The following GRK1 variants were observed in gnomAD, a reference collection of about 807,000 sequenced individuals.
GRK1 encodes G protein-coupled receptor kinase 1.
A neutral mutation model predicts 41.7 loss-of-function variants in GRK1; 28 were observed. The ratio of observed to expected loss-of-function variants is 0.67; its 90% CI spans 0.50 to 0.92. The LOEUF is 0.92. GRK1 is among the 40% of genes least tolerant of loss of function. The pLI, the probability that GRK1 is intolerant of heterozygous loss-of-function variation, is 0.00. For synonymous variants in GRK1, 327 were observed against 286.7 expected (o/e 1.14, Z -1.42); for missense variants, 703 against 671.2 (o/e 1.05, Z -0.52).
upstream of GRK1, among the ~76,000 whole-genome samples, chr13:113,664,698 C>T (rs2049807009): frequency 6.6e-6 from 1 of 152,232 alleles, no homozygotes; most frequent in Non-Finnish European, 1.5e-5. The surrounding 1 kb of genome is among the most constrained non-coding windows in gnomAD (Gnocchi z 5.4). Flanking sequence ...GAGCTTGTTA[C>T]AGGTGCAGTC....
rs2049933409 is a variant in GRK1 at position 113,731,106 on chromosome 13, G to C, written c.1070-113G>C. ...GATTTTCTGGCCCCAAATGTGGAGA[G>C]TGCTGAGGCCCCGGGGGGGATGCAT... On this transcript the variant is annotated intron_variant, in intron 4 of 6. Coordinates refer to ENST00000335678, the MANE Select transcript of GRK1 (RefSeq NM_002929.3). The surrounding 1 kb of genome is among the most constrained non-coding windows in gnomAD (Gnocchi z 5.6). 6 of 1,428,000 alleles carry C rather than the reference G, an allele frequency of 4.2e-6. No individual in the cohort carries two copies. Among genetic ancestry groups the C allele is most frequent in the Non-Finnish European group, 5.6e-6 (6 of 1,074,434 alleles). 88.5% of individuals were successfully genotyped at this position (1,428,000 alleles called of 1,614,324 possible).
chr13:113,666,505 G>A (rs2140714348), upstream of GRK1, among the ~76,000 whole-genome samples: 1 of 151,722 alleles, frequency 6.6e-6, no homozygotes, highest in Non-Finnish European at 1.5e-5. Flanking sequence ...TGTGCCCCAG[G>A]TGTACCCCAG....
At chr13:113,666,888 T>A (rs79220224), upstream of GRK1, among the ~76,000 whole-genome samples, 5,180 of 152,300 alleles carry the variant, frequency 0.034, 296 homozygotes, top group African/African-American at 0.12. Flanking sequence ...TTCTTCCGGC[T>A]CCATCCTCTC....
At chr13:113,727,307 C>G (rs1035285063) in intron 4 of GRK1, among the ~76,000 whole-genome samples, 5 of 152,248 alleles carry the variant, frequency 3.3e-5, no homozygotes, top group African/African-American at 1.2e-4. Flanking sequence ...GGGCGGAGCA[C>G]TCAGGGAGGC....
In GRK1 at chr13:113,733,149, C is replaced by T. The variant is rs867724439; in HGVS notation, c.1396+64C>T. On this transcript the variant is annotated intron_variant, in intron 6 of 6. Transcript: ENST00000335678. ...CTGTGCTGTGTGGCCCTTGGGTGTC[C>T]GCCCGGTCCAGCCTGTGAGAGTCGG... 780 of 1,462,634 alleles carry T rather than the reference C, an allele frequency of 5.3e-4. 1 individual carries two copies. The highest frequency in any genetic ancestry group is 9.9e-4 in the South Asian group (74 of 75,050). 90.6% of individuals were successfully genotyped at this position (1,462,634 alleles called of 1,614,324 possible). A position where few individuals can be genotyped will look rare whatever the true frequency, so the allele number is the denominator to read the frequency against.
chr13:113,657,566 G>T, the GRK1 span, among the ~76,000 whole-genome samples: 5 of 152,222 alleles, frequency 3.3e-5, no homozygotes, highest in African/African-American at 1.2e-4. Context: ...AGGCAGGCCT[G>T]GTTTACTCCC....
the GRK1 span, among the ~76,000 whole-genome samples, chr13:113,648,365 C>T: frequency 6.6e-6 from 1 of 152,224 alleles, no homozygotes; most frequent in Non-Finnish European, 1.5e-5. Flanking sequence ...ACGCGCCAGT[C>T]GCTTGTGCTT....
upstream of GRK1, among the ~76,000 whole-genome samples, chr13:113,665,354 G>GTA (rs1455830749): frequency 4.1e-4 from 62 of 149,586 alleles, no homozygotes; most frequent in African/African-American, 1.5e-3. Flanking sequence ...TGTGTTGCAG[G>GTA]TGTGTCCGAG....
chr13:113,666,156 CAA>C (rs373298356), upstream of GRK1, among the ~76,000 whole-genome samples: 121 of 139,260 alleles, frequency 8.7e-4, no homozygotes, highest in African/African-American at 3.7e-3. Flanking sequence ...AGGTGGGTCC[CAA>C]GTGTTCCCCA....
At chr13:113,727,085 T>C (rs2049893922) in intron 4 of GRK1, among the ~76,000 whole-genome samples, 1 of 152,234 alleles carries the variant, frequency 6.6e-6, no homozygotes, top group African/African-American at 2.4e-5. Flanking sequence ...GTGTGCCGGG[T>C]TGGCCTCACT....
the GRK1 span, chr13:113,649,449 C>A: frequency 6.4e-7 from 1 of 1,573,756 alleles, no homozygotes; most frequent in East Asian, 2.3e-5. This position sits in a 1 kb window ranked among gnomAD's most constrained non-coding sequence, Gnocchi z 4.7. Flanking sequence ...TCACGTGCTC[C>A]GCCATGACCT....
At chr13:113,734,027 CGTGTGCGTATGT>C (rs2049982233) in intron 6 of GRK1, among the ~76,000 whole-genome samples, 2 of 132,184 alleles carry the variant, frequency 1.5e-5, no homozygotes, top group South Asian at 5.0e-4. Flanking sequence ...TGTGTGCGTG[CGTGTGCGTATGT>C]GTGTGTGCAT....
chr13:113,656,819 G>A, the GRK1 span, among the ~76,000 whole-genome samples: 5 of 152,174 alleles, frequency 3.3e-5, no homozygotes, highest in East Asian at 1.9e-4. Context: ...GCCAGGAGGC[G>A]GCACATGGGA....
At chr13:113,669,632 CA>C (rs1428653296) in intron 1 of GRK1, 54 bp from the exon 2 acceptor site, 3 of 1,609,392 alleles carry the variant, frequency 1.9e-6, no homozygotes, top group Non-Finnish European at 2.5e-6. Flanking sequence ...CTCTGCGATG[CA>C]CCTAGTCCCT....
chr13:113,735,490 T>A lies in GRK1; in HGVS notation c.*127T>A. 1 of 1,053,856 alleles carries A rather than the reference T, an allele frequency of 9.5e-7. No homozygotes were observed. Among genetic ancestry groups the A allele is most frequent in the Non-Finnish European group, 1.3e-6 (1 of 769,128 alleles). The allele number at this position is 1,053,856 out of a possible 1,614,324, so 65.3% of individuals were successfully genotyped here. On this transcript the variant is annotated 3_prime_UTR_variant, in exon 7 of 7. Coordinates refer to ENST00000335678, the MANE Select transcript of GRK1 (RefSeq NM_002929.3). ...GTGGTTCCCTCCACCCAGGTCCCCA[T>A]CACGCCATCTCCTTGCGGCCCAAGG...
chr13:113,649,674 A>G, the GRK1 span: 6 of 981,732 alleles, frequency 6.1e-6, no homozygotes, highest in East Asian at 3.1e-5. The surrounding 1 kb of genome is among the most constrained non-coding windows in gnomAD (Gnocchi z 4.7). Context: ...GACCGAGTGC[A>G]TGCCCTGGAA....
At chr13:113,664,514 C>G (rs1447669532), upstream of GRK1, among the ~76,000 whole-genome samples, 2 of 152,206 alleles carry the variant, frequency 1.3e-5, no homozygotes, top group East Asian at 3.8e-4. This position sits in a 1 kb window ranked among gnomAD's most constrained non-coding sequence, Gnocchi z 5.4. Context: ...TCTGAAATCA[C>G]TGAATAAACC....
chr13:113,671,559 C>G lies in GRK1; in HGVS notation c.888C>G (p.Phe296Leu), dbSNP rs771932089. ...NPGFPEPRALFYTAQIICGLE... is the reference protein window; with the variant it reads ...NPGFPEPRALLYTAQIICGLE... Reference sequence around the variant, plus strand: ...GCTTCCCGGAGCCGCGCGCCCTCTTCTACACGGCGCAGATCATCTGCGGCC... The same window carrying G: ...GCTTCCCGGAGCCGCGCGCCCTCTTGTACACGGCGCAGATCATCTGCGGCC... Residue 296 changes from phenylalanine to leucine, a missense_variant, in exon 3 of 7, where the codon TTC (phenylalanine) becomes TTG (leucine). Coordinates refer to ENST00000335678, the MANE Select transcript of GRK1 (RefSeq NM_002929.3). This position sits in a 1 kb window ranked among gnomAD's most constrained non-coding sequence, Gnocchi z 4.1. 1.9e-5 allele frequency: 15 copies of G among 778,092 alleles called. No homozygotes were observed. In the Admixed American group the frequency reaches 2.5e-4, roughly 13 times the overall value. 48.2% of individuals were successfully genotyped at this position (778,092 alleles called of 1,614,324 possible). A position where few individuals can be genotyped will look rare whatever the true frequency, so the allele number is the denominator to read the frequency against.
chr13:113,658,067 C>T, the GRK1 span: 270 of 1,610,176 alleles, frequency 1.7e-4, 2 homozygotes, highest in South Asian at 1.7e-3. Context: ...GCATCTGCCC[C>T]GTGTCCGGGT....
Sources: allele counts gnomAD v4.1 joint callset (sites outside exome capture counted in the v4.1 genomes callset), GRCh38; gene constraint gnomAD v4.1.1; non-coding constraint Gnocchi (gnomAD v3.1); transcripts MANE v1.5; gene names NCBI Gene and HGNC (gene_info 2026-07-23, HGNC 2026-07-21).